The following ILDR1 variants were observed in gnomAD, a reference collection of about 807,000 sequenced individuals.
The protein encoded by ILDR1 is immunoglobulin-like domain-containing receptor 1.
Under a neutral mutation model 62.4 loss-of-function variants are expected in ILDR1, and 56 were observed. The ratio of observed to expected loss-of-function variants is 0.90; its 90% CI spans 0.72 to 1.12. The LOEUF (loss-of-function observed/expected upper bound fraction) is 1.12, where lower values mean the gene tolerates loss of function less well. Among genes scored for constraint, ILDR1 ranks in the 50% most tolerant of loss-of-function variants. ILDR1 has a pLI of 0.00. For missense variants in ILDR1, 736 were observed against 710.6 expected (o/e 1.04, Z -0.41); for synonymous variants, 284 against 277.8 (o/e 1.02, Z -0.22).
At chr3:122,017,463 C>T (rs374374439) in intron 1 of ILDR1, among the ~76,000 whole-genome samples, 7 of 152,314 alleles carry the variant, frequency 4.6e-5, no homozygotes, top group South Asian at 2.1e-4. Context: ...AATCACCCAA[C>T]GGCTTGTTTC....
At chr3:122,017,919 T>C (rs181803964) in intron 1 of ILDR1, among the ~76,000 whole-genome samples, 2 of 152,182 alleles carry the variant, frequency 1.3e-5, no homozygotes, top group African/African-American at 4.8e-5. Context: ...TGTGGAAAAA[T>C]AGGAACGCTT....
chr3:121,999,597 T>G (rs535087204), intron 5 of ILDR1, among the ~76,000 whole-genome samples: 134 of 152,280 alleles, frequency 8.8e-4, no homozygotes, highest in African/African-American at 3.0e-3. Context: ...AACTCAAGGA[T>G]TCTCAAAGTG....
intron 3 of ILDR1, 25 bp downstream of exon 3, chr3:122,005,219 C>CCGTG: frequency 7.8e-6 from 6 of 769,358 alleles, no homozygotes; most frequent in Non-Finnish European, 1.3e-5. Flanking sequence ...ACCCCCAGTT[C>CCGTG]CCCTGACACC....
At chr3:122,043,056 G>T in the ILDR1 span, among the ~76,000 whole-genome samples, 1 of 143,688 alleles carries the variant, frequency 7.0e-6, no homozygotes, top group African/African-American at 2.6e-5. Context: ...TAGGTCTAAC[G>T]TTTAAATCTT....
At chr3:122,022,252 C>A (rs907373312), upstream of ILDR1, 3 of 541,224 alleles carry the variant, frequency 5.5e-6, no homozygotes, top group African/African-American at 2.0e-5. Context: ...CCGCCCGGCT[C>A]GTCCCCACCT....
intron 7 of ILDR1, among the ~76,000 whole-genome samples, chr3:121,991,672 G>C (rs1001222839): frequency 1.3e-5 from 2 of 152,224 alleles, no homozygotes; most frequent in African/African-American, 2.4e-5. Flanking sequence ...TCTGTGAGAA[G>C]ATGACATAAT....
chr3:121,988,429 C>T (rs976883090), intron 7 of ILDR1, 21 bp from the exon 8 acceptor site: 16 of 1,607,654 alleles, frequency 1.0e-5, no homozygotes, highest in Non-Finnish European at 8.5e-7. Context: ...GAAGAATACA[C>T]ACACAAAAAA....
chr3:122,050,545 T>TC, the ILDR1 span, among the ~76,000 whole-genome samples: 25,873 of 142,330 alleles, frequency 0.18, 2,374 homozygotes, highest in South Asian at 0.24. Flanking sequence ...TGCTTTTACT[T>TC]CCCCCCCCCC....
rs2071684801 is a variant in ILDR1 at position 122,010,283 on chromosome 3, C to T, written c.59-3122G>A. Among the ~76,000 whole-genome samples the T allele has an allele frequency of 2.0e-5, 3 of 152,234 alleles. No individual in the cohort carries two copies. The South Asian group carries it at 6.2e-4, about 32-fold the overall frequency. ...GGGAGGTGGGGCGATGGGGTGAAGT[C>T]TAAATCACAATCCAGTTCAATTTCT... On this transcript the variant is annotated intron_variant, in intron 1 of 7. Coordinates refer to ENST00000344209, the MANE Select transcript of ILDR1 (RefSeq NM_001199799.2).
chr3:122,052,885 G>C, the ILDR1 span, among the ~76,000 whole-genome samples: 1 of 152,208 alleles, frequency 6.6e-6, no homozygotes, highest in Admixed American at 6.5e-5. Flanking sequence ...TCAGAACTTT[G>C]GATATATGGT....
the ILDR1 span, among the ~76,000 whole-genome samples, chr3:122,059,337 A>G: frequency 6.6e-6 from 1 of 152,272 alleles, no homozygotes; most frequent in African/African-American, 2.4e-5. Context: ...AAGAATCTAC[A>G]ATAGATACTA....
chr3:122,059,442 A>G, the ILDR1 span, among the ~76,000 whole-genome samples: 1 of 152,048 alleles, frequency 6.6e-6, no homozygotes, highest in African/African-American at 2.4e-5. Flanking sequence ...AGACTGAGGC[A>G]CGAGAATAGC....
At chr3:122,027,979 G>T in the ILDR1 span, among the ~76,000 whole-genome samples, 1 of 152,236 alleles carries the variant, frequency 6.6e-6, no homozygotes, top group African/African-American at 2.4e-5. Context: ...CTATCTCCAG[G>T]TAATTGTATT....
chr3:122,022,914 AAAATAAATAAATAAAT>A (rs59901956), upstream of ILDR1, among the ~76,000 whole-genome samples: 39 of 143,390 alleles, frequency 2.7e-4, no homozygotes, highest in African/African-American at 3.4e-4. Flanking sequence ...CTCGGTCTCG[AAAATAAATAAATAAAT>A]AAATAAATAA....
the ILDR1 span, among the ~76,000 whole-genome samples, chr3:122,044,391 G>T: frequency 2.1e-4 from 29 of 136,634 alleles, no homozygotes; most frequent in Non-Finnish European, 3.5e-4. Context: ...TTTTGGTTGT[G>T]TCTCTGCCCG....
At chr3:122,042,674 T>C in the ILDR1 span, among the ~76,000 whole-genome samples, 2 of 152,232 alleles carry the variant, frequency 1.3e-5, no homozygotes, top group South Asian at 2.1e-4. Flanking sequence ...CCAGTGATGA[T>C]GAGCATTTTT....
At chr3:122,052,655 C>T in the ILDR1 span, among the ~76,000 whole-genome samples, 2 of 152,180 alleles carry the variant, frequency 1.3e-5, no homozygotes, top group African/African-American at 4.8e-5. Flanking sequence ...CTCACTGCAA[C>T]CTCCGCCTCC....
intron 5 of ILDR1, among the ~76,000 whole-genome samples, chr3:121,998,033 A>C (rs1184149301): frequency 6.6e-6 from 1 of 152,200 alleles, no homozygotes; most frequent in East Asian, 1.9e-4. Flanking sequence ...TTCCTTCTGC[A>C]TCTAGAATTT....
At chr3:122,001,637 A>G in intron 4 of ILDR1, 108 bp downstream of exon 4, 1 of 1,552,692 alleles carries the variant, frequency 6.4e-7, no homozygotes, top group Non-Finnish European at 8.9e-7. Context: ...TGATAATCCA[A>G]TGACAAGAAC....
Sources: gnomAD v4.1 joint callset for allele counts (sites outside exome capture counted in the v4.1 genomes callset) on GRCh38, gnomAD v4.1.1 for gene constraint, MANE v1.5 for transcripts, NCBI Gene and HGNC (gene_info 2026-07-23, HGNC 2026-07-21) for gene names.